The following PBRM1 variants were observed in gnomAD, a reference collection of about 807,000 sequenced individuals.
PBRM1 encodes polybromo 1.
In PBRM1, 27 loss-of-function variants were observed where a neutral mutation model predicts 194.5. The observed-to-expected ratio is 0.14, with a 90% CI of 0.10 to 0.19. The LOEUF (loss-of-function observed/expected upper bound fraction) is 0.19. Among genes scored for constraint, PBRM1 ranks in the 10% least tolerant of loss-of-function variants. The probability of loss-of-function intolerance (pLI) is 1.00; values close to 1 mark genes in which losing one functional copy is unlikely to be tolerated. For missense variants in PBRM1, 1,466 were observed against 2,077.2 expected (o/e 0.71, Z 5.72); for synonymous variants, 655 against 693.2 (o/e 0.94, Z 0.87).
chr3:52,609,379 T>C lies in PBRM1; in HGVS notation c.2501A>G (p.Tyr834Cys), dbSNP rs766489990. Residue 834 changes from tyrosine to cysteine, a missense_variant, in exon 16 of 30, where the codon TAC (tyrosine) becomes TGC (cysteine). By Grantham distance (194) the Tyr-to-Cys change is radical. Around this residue, in one of 5 missense-constraint regions of PBRM1, gnomAD observed 687 missense variants for 946.2 expected, o/e 0.73. Transcript: ENST00000296302. This position sits in a 1 kb window ranked among gnomAD's most constrained non-coding sequence, Gnocchi z 4.1. ...CTCTTGAAATAAATCAAGCCGACGGTAGCGATTATTTTCAACATTCTTCCT... is the reference window on the plus strand; with the variant it reads ...CTCTTGAAATAAATCAAGCCGACGGCAGCGATTATTTTCAACATTCTTCCT... 12 of 1,613,350 alleles carry C rather than the reference T, an allele frequency of 7.4e-6. No individual in the cohort carries two copies. The highest frequency in any genetic ancestry group is 1.1e-5 in the South Asian group (1 of 91,078).
chr3:52,586,085 G>A (rs1387606660), intron 20 of PBRM1: 8 of 171,930 alleles, frequency 4.7e-5, no homozygotes, highest in Non-Finnish European at 8.7e-5. Context: ...ACAGGCACGC[G>A]CCACCACACC....
intron 22 of PBRM1, among the ~76,000 whole-genome samples, chr3:52,565,737 C>T (rs1446339399): frequency 2.0e-5 from 3 of 151,990 alleles, no homozygotes; most frequent in South Asian, 2.1e-4. Flanking sequence ...AAAAGACATA[C>T]GAATGTCCAA....
At chr3:52,642,097 GTTACT>G (rs781534805) in intron 9 of PBRM1, 52 bp from the exon 11 acceptor site, 2 of 958,190 alleles carry the variant, frequency 2.1e-6, no homozygotes, top group African/African-American at 1.6e-5. Flanking sequence ...TAATAATTAG[GTTACT>G]TTACAGGGAA....
intron 22 of PBRM1, among the ~76,000 whole-genome samples, chr3:52,567,419 A>G (rs2085608418): frequency 6.6e-6 from 1 of 152,132 alleles, no homozygotes; most frequent in Non-Finnish European, 1.5e-5. Context: ...CACTTTTTAA[A>G]TTTTTGTAGG....
intron 3 of PBRM1, among the ~76,000 whole-genome samples, chr3:52,666,381 C>A (rs747527494): frequency 2.0e-5 from 3 of 151,824 alleles, no homozygotes; most frequent in Non-Finnish European, 2.9e-5. Flanking sequence ...CGTAAAAATA[C>A]AAAAATTAGC....
chr3:52,636,882 T>A (rs1032719644), intron 10 of PBRM1, among the ~76,000 whole-genome samples: 5 of 150,198 alleles, frequency 3.3e-5, no homozygotes, highest in Admixed American at 6.7e-5. Context: ...AGAATTTAAT[T>A]ATGTGTTAAG....
chr3:52,603,803 T>G (rs2094160698), intron 16 of PBRM1, 71 bp from the exon 19 acceptor site: 1 of 1,273,418 alleles, frequency 7.9e-7, no homozygotes. Context: ...ATATGTTAAA[T>G]TCTATTAAAT....
intron 7 of PBRM1, among the ~76,000 whole-genome samples, chr3:52,647,629 T>C (rs140154040): frequency 6.6e-6 from 1 of 151,698 alleles, no homozygotes; most frequent in African/African-American, 2.4e-5. Context: ...ATCCCTATAG[T>C]AGAATATTAT....
chr3:52,578,873 CAA>C (rs2090367214), intron 21 of PBRM1, 179 bp downstream of exon 23: 1 of 666,974 alleles, frequency 1.5e-6, no homozygotes, highest in Admixed American at 2.3e-5. Context: ...TGGAAGAAAA[CAA>C]AAGAGCCCAA....
intron 5 of PBRM1, among the ~76,000 whole-genome samples, chr3:52,652,513 CCT>C (rs2096525321): frequency 6.7e-6 from 1 of 149,466 alleles, no homozygotes; most frequent in South Asian, 2.1e-4. Flanking sequence ...GTGGTGAAAC[CCT>C]GTCTCTACTA....
chr3:52,636,689 G>A (rs919238297), intron 10 of PBRM1, among the ~76,000 whole-genome samples: 8 of 141,572 alleles, frequency 5.7e-5, no homozygotes, highest in South Asian at 2.2e-4. Context: ...ACCAGAAGGC[G>A]GAGATTGTAG....
intron 21 of PBRM1, 96 bp downstream of exon 23, chr3:52,578,958 G>C: frequency 8.8e-7 from 1 of 1,142,536 alleles, no homozygotes; most frequent in Admixed American, 1.7e-5. Context: ...AACTGCCAGG[G>C]GAAGGACTTT....
At position 52,634,825 on chromosome 3, in the gene PBRM1, CA is replaced by C; in HGVS notation, c.1088-11del. On this transcript the variant is annotated splice_polypyrimidine_tract_variant and intron_variant, in intron 10 of 29. Coordinates refer to ENST00000296302, the Ensembl canonical transcript of PBRM1. ...TCTTCATAGCGTGCAGCTGGAAAGACAAAAAAAGTATTTATAAAGGGACGAA... is the reference window on the plus strand; with the variant it reads ...TCTTCATAGCGTGCAGCTGGAAAGACAAAAAAGTATTTATAAAGGGACGAA... The C allele has an allele frequency of 1.9e-6, 3 of 1,585,504 alleles. No homozygotes were observed. The highest frequency in any genetic ancestry group is 2.6e-6 in the Non-Finnish European group (3 of 1,162,792).
intron 25 of PBRM1, 26 bp from the exon 28 acceptor site, chr3:52,558,439 TTC>T: frequency 6.6e-7 from 1 of 1,505,408 alleles, no homozygotes; most frequent in Non-Finnish European, 8.9e-7. Flanking sequence ...AGATTTTCAA[TTC>T]TGTTTTTAAC....
At chr3:52,603,022 A>T (rs1196937967) in intron 17 of PBRM1, among the ~76,000 whole-genome samples, 1 of 152,226 alleles carries the variant, frequency 6.6e-6, no homozygotes, top group African/African-American at 2.4e-5. Context: ...ATATTTCTAA[A>T]TTCTGGCAAG....
At chr3:52,599,472 A>C (rs1197064161) in intron 17 of PBRM1, among the ~76,000 whole-genome samples, 1 of 152,084 alleles carries the variant, frequency 6.6e-6, no homozygotes, top group African/African-American at 2.4e-5. Context: ...TAAAATGCTC[A>C]ACATAACTAT....
At chr3:52,620,549 T>C (rs2095228078) in intron 13 of PBRM1, among the ~76,000 whole-genome samples, 1 of 152,212 alleles carries the variant, frequency 6.6e-6, no homozygotes, top group Non-Finnish European at 1.5e-5. Context: ...TACTCTCAGA[T>C]GGGAGTAAAT....
At chr3:52,594,001 GGTCT>G (rs754072430) in intron 17 of PBRM1, among the ~76,000 whole-genome samples, 1 of 152,162 alleles carries the variant, frequency 6.6e-6, no homozygotes, top group Non-Finnish European at 1.5e-5. Context: ...CTGCTCTGAT[GGTCT>G]GTCTAGTACC....
chr3:52,671,859 T>G (rs554156891), intron 2 of PBRM1, among the ~76,000 whole-genome samples: 1 of 152,316 alleles, frequency 6.6e-6, no homozygotes, highest in East Asian at 1.9e-4. Flanking sequence ...GCTTGCTCGT[T>G]GAGGTGAGAA....
Sources: gnomAD v4.1 joint callset for allele counts (sites outside exome capture counted in the v4.1 genomes callset) on GRCh38, gnomAD v4.1.1 for gene constraint, gnomAD v4.1.1 regional missense constraint, Gnocchi (gnomAD v3.1) non-coding constraint, MANE v1.5 for transcripts, NCBI Gene and HGNC (gene_info 2026-07-23, HGNC 2026-07-21) for gene names.